Variants in NUP93 observed in about 807,000 individuals in gnomAD.
NUP93 encodes nucleoporin 93.
NUP93 carries 55 observed loss-of-function variants against 107.8 expected under a neutral mutation model. The ratio of observed to expected loss-of-function variants is 0.51; its 90% confidence interval spans 0.41 to 0.64. The LOEUF (loss-of-function observed/expected upper bound fraction) is 0.64. Among genes scored for constraint, NUP93 ranks in the 30% least tolerant of loss-of-function variants. The pLI is 0.00. For synonymous variants in NUP93, 390 were observed against 397.5 expected (o/e 0.98, Z 0.22); for missense variants, 937 against 1,044.7 (o/e 0.90, Z 1.42).
intron 21 of NUP93, among the ~76,000 whole-genome samples, chr16:56,844,147 A>T (rs1269281686): frequency 6.6e-6 from 1 of 152,216 alleles, no homozygotes; most frequent in African/African-American, 2.4e-5. Flanking sequence ...AGCCAGAGAG[A>T]GAGGCTCAGA....
intron 5 of NUP93, among the ~76,000 whole-genome samples, chr16:56,814,980 A>G (rs1344116819): frequency 6.6e-6 from 1 of 152,192 alleles, no homozygotes; most frequent in Non-Finnish European, 1.5e-5. Flanking sequence ...CTTGTGGATA[A>G]TTGACTTTAT....
At chr16:56,789,291 C>G (rs149037445) in intron 3 of NUP93, among the ~76,000 whole-genome samples, 6 of 152,356 alleles carry the variant, frequency 3.9e-5, no homozygotes, top group Non-Finnish European at 8.8e-5. Context: ...TCACCTTATG[C>G]ACATTCAATT....
Position 56,844,565 on chromosome 16 carries a change from G to T in NUP93, c.2416G>T (p.Asp806Tyr), listed in dbSNP as rs376351599. 1.9e-6 allele frequency: 3 copies of T among 1,587,570 alleles called. No individual in the cohort carries two copies. The highest frequency in any genetic ancestry group is 2.7e-5 in the African/African-American group (2 of 73,362). ...AATGATACCATACCGAACGTCTGGG[G>T]ACACCAATGCGAGGCTGGTGCAGAT... ...AGMIPYRTSG[D>Y]TNARLVQMEV... is the part of the protein sequence containing the mutation. The change falls in exon 22 of 22, where the codon GAC (aspartate) becomes TAC (tyrosine). Residue 806 changes from aspartate to tyrosine, a missense_variant. Coordinates refer to ENST00000308159, the MANE Select transcript of NUP93 (RefSeq NM_014669.5).
rs1442012690 is a variant in NUP93 at position 56,833,981 on chromosome 16, G to A, written c.1538-147G>A. 9 of 1,055,804 alleles carry A rather than the reference G, an allele frequency of 8.5e-6. No homozygotes were observed. In the African/African-American group the frequency reaches 1.4e-4, roughly 17 times the overall value. 65.4% of individuals were successfully genotyped at this position (1,055,804 alleles called of 1,614,324 possible). On this transcript the variant is annotated intron_variant, in intron 13 of 21. Transcript: ENST00000308159. ...TGAATTGAGGATAGGATGGTAAAAGGGACTGGCCAAAGCTTATATTAGCAA... is the reference window on the plus strand; with the variant it reads ...TGAATTGAGGATAGGATGGTAAAAGAGACTGGCCAAAGCTTATATTAGCAA...
At chr16:56,792,704 C>G (rs1962796089) in intron 3 of NUP93, among the ~76,000 whole-genome samples, 2 of 152,166 alleles carry the variant, frequency 1.3e-5, no homozygotes, top group African/African-American at 4.8e-5. Flanking sequence ...TAAGTGTTAG[C>G]TATTATTAGT....
chr16:56,760,511 T>C (rs975263385), intron 3 of NUP93, among the ~76,000 whole-genome samples: 5 of 152,050 alleles, frequency 3.3e-5, no homozygotes, highest in African/African-American at 1.2e-4. Flanking sequence ...CTTTTACTCA[T>C]GGCAAAAGGC....
At chr16:56,841,977 T>C (rs1964035530) in intron 21 of NUP93, 144 bp downstream of exon 21, 1 of 953,144 alleles carries the variant, frequency 1.0e-6, no homozygotes, top group Non-Finnish European at 1.5e-6. Flanking sequence ...GTTAGGAGGC[T>C]CCCAGAGGAA....
intron 6 of NUP93, among the ~76,000 whole-genome samples, chr16:56,819,414 A>G (rs1963498276): frequency 6.6e-6 from 1 of 152,218 alleles, no homozygotes; most frequent in South Asian, 2.1e-4. Context: ...CAAAGAAGGA[A>G]AAATATCCTG....
At chr16:56,790,050 T>TGGTG (rs1962721797) in intron 3 of NUP93, among the ~76,000 whole-genome samples, 1 of 152,094 alleles carries the variant, frequency 6.6e-6, no homozygotes, top group Non-Finnish European at 1.5e-5. Flanking sequence ...TGAACCCAGA[T>TGGTG]GGTGCCACTG....
chr16:56,814,773 T>C (rs1963386375), intron 5 of NUP93, among the ~76,000 whole-genome samples: 1 of 152,182 alleles, frequency 6.6e-6, no homozygotes, highest in African/African-American at 2.4e-5. Context: ...AACCCTGTTG[T>C]CTTCCCTGCT....
chr16:56,833,126 G>C, intron 12 of NUP93, 89 bp from the exon 13 acceptor site: 1 of 1,124,122 alleles, frequency 8.9e-7, no homozygotes, highest in South Asian at 1.5e-5. Flanking sequence ...AGTCCTGTGG[G>C]CTCACAGGGC....
chr16:56,775,864 G>A lies in NUP93; in HGVS notation c.297+17209G>A, dbSNP rs1962407114. On this transcript the variant is annotated intron_variant, in intron 3 of 21. Coordinates refer to ENST00000308159, the MANE Select transcript of NUP93 (RefSeq NM_014669.5). ...GGTTGTCTATCCTGACCTGAAGTAG[G>A]GGTAAAGAAAGGCAGGGGCCCCCTC... is the stretch of plus-strand genomic sequence containing the variant. Among the ~76,000 whole-genome samples the A allele has an allele frequency of 2.0e-5, 3 of 152,108 alleles. No homozygotes were observed. The South Asian group carries it at 6.2e-4, about 32-fold the overall frequency.
At chr16:56,838,849 G>A in intron 18 of NUP93, 103 bp from the exon 19 acceptor site, 1 of 807,490 alleles carries the variant, frequency 1.2e-6, no homozygotes, top group Non-Finnish European at 2.1e-6. Context: ...ACAGGCATGA[G>A]CGACCACACC....
intron 4 of NUP93, among the ~76,000 whole-genome samples, chr16:56,803,993 C>G (rs1231583878): frequency 3.3e-5 from 5 of 152,062 alleles, no homozygotes; most frequent in Admixed American, 3.3e-4. Context: ...CTCAAGTGAT[C>G]TGCCTGCTTC....
chr16:56,826,682 C>T (rs1401940115), intron 8 of NUP93, among the ~76,000 whole-genome samples: 1 of 151,988 alleles, frequency 6.6e-6, no homozygotes. Context: ...CATCTAGAGG[C>T]TCCTATTACC....
At chr16:56,732,633 A>G (rs1266750865) in intron 1 of NUP93, among the ~76,000 whole-genome samples, 2 of 152,222 alleles carry the variant, frequency 1.3e-5, no homozygotes, top group Non-Finnish European at 2.9e-5. Context: ...CAGCCTCTTC[A>G]TAGACTGATG....
At chr16:56,741,760 C>T (rs769582321) in intron 1 of NUP93, 13 of 152,132 alleles carry the variant, frequency 8.5e-5, no homozygotes, top group Non-Finnish European at 1.9e-4. Context: ...AATAGCAGTG[C>T]TAACAACTGT....
chr16:56,789,974 G>A (rs1379014742), intron 3 of NUP93, among the ~76,000 whole-genome samples: 1 of 152,138 alleles, frequency 6.6e-6, no homozygotes, highest in African/African-American at 2.4e-5. Context: ...GCGTGCGCCT[G>A]TAATCCCAGC....
At chr16:56,793,776 G>T (rs1962821825) in intron 3 of NUP93, among the ~76,000 whole-genome samples, 1 of 152,162 alleles carries the variant, frequency 6.6e-6, no homozygotes, top group Non-Finnish European at 1.5e-5. Context: ...ACAGATCCCA[G>T]CAGTATTCTG....
Sources: gnomAD v4.1 joint callset for allele counts (sites outside exome capture counted in the v4.1 genomes callset) on GRCh38, gnomAD v4.1.1 for gene constraint, MANE v1.5 for transcripts, NCBI Gene and HGNC (gene_info 2026-07-23, HGNC 2026-07-21) for gene names.